OTUD7A: variants seen among roughly 807,000 people sequenced by gnomAD.
OTUD7A encodes the protein OTU domain-containing protein 7A.
In OTUD7A, 12 loss-of-function variants were observed where a neutral mutation model predicts 65.7. The ratio of observed to expected loss-of-function variants is 0.18; its 90% CI spans 0.12 to 0.30. The LOEUF (loss-of-function observed/expected upper bound fraction) is 0.30. OTUD7A is among the 10% of genes least tolerant of loss of function. The pLI, the probability that OTUD7A is intolerant of heterozygous loss-of-function variation, is 1.00. For synonymous variants in OTUD7A, 641 were observed against 586.3 expected, an observed-to-expected ratio of 1.09 and a Z score of -1.35; for missense variants, 1,148 against 1,304.8, an observed-to-expected ratio of 0.88 and a Z score of 1.85.
At chr15:31,685,490 A>C (rs1015560635) in intron 1 of OTUD7A, among the ~76,000 whole-genome samples, 4 of 151,906 alleles carry the variant, frequency 2.6e-5, no homozygotes, top group Non-Finnish European at 5.9e-5. Flanking sequence ...CTGAAAAAAA[A>C]AAAACAAAAA....
intron 1 of OTUD7A, among the ~76,000 whole-genome samples, chr15:31,817,789 T>G (rs1896587638): frequency 6.6e-6 from 1 of 152,228 alleles, no homozygotes; most frequent in Non-Finnish European, 1.5e-5. Context: ...CATACCAACC[T>G]GCTGCCCACC....
chr15:31,840,621 C>T (rs910967051), intron 1 of OTUD7A, among the ~76,000 whole-genome samples: 2 of 151,830 alleles, frequency 1.3e-5, no homozygotes, highest in African/African-American at 4.8e-5. Flanking sequence ...TCTTTTTTTC[C>T]CCCTTTAATA....
At chr15:31,500,083 C>T (rs1234009973) in intron 10 of OTUD7A, among the ~76,000 whole-genome samples, 5 of 152,220 alleles carry the variant, frequency 3.3e-5, no homozygotes, top group Non-Finnish European at 5.9e-5. Context: ...GGGACCATCA[C>T]CTTCTGACCA....
At chr15:31,761,736 A>G (rs1894969537) in intron 1 of OTUD7A, among the ~76,000 whole-genome samples, 2 of 152,240 alleles carry the variant, frequency 1.3e-5, no homozygotes, top group Admixed American at 6.5e-5. Flanking sequence ...TACTCATATT[A>G]GCCAAAAGTA....
At chr15:31,490,679 T>G (rs1194453544) in intron 10 of OTUD7A, among the ~76,000 whole-genome samples, 1 of 152,180 alleles carries the variant, frequency 6.6e-6, no homozygotes, top group Non-Finnish European at 1.5e-5. Context: ...AGTGAAATAA[T>G]ATGGAACCCT....
chr15:31,771,466 T>C (rs995617858), intron 1 of OTUD7A, among the ~76,000 whole-genome samples: 2 of 152,196 alleles, frequency 1.3e-5, no homozygotes, highest in Non-Finnish European at 2.9e-5. Context: ...CTTGGAATTG[T>C]CCTTGATTCC....
Position 31,553,206 on chromosome 15 carries a change from C to T in OTUD7A, c.550+5763G>A, listed in dbSNP as rs546979820. Among the ~76,000 whole-genome samples, 326 of 152,278 alleles carry T rather than the reference C, an allele frequency of 2.1e-3. 1 individual carries two copies. Among genetic ancestry groups the T allele is most frequent in the Non-Finnish European group, 3.7e-3 (250 of 68,008 alleles). ...CCTGGGCGTCAGGGTCACTATCCAC[C>T]GCTGGTTCGCCCTGATTCCCAGGCC... On this transcript the variant is annotated intron_variant, in intron 5 of 12. Transcript: ENST00000307050.
chr15:31,758,838 A>C (rs1894884357), intron 1 of OTUD7A, among the ~76,000 whole-genome samples: 1 of 147,684 alleles, frequency 6.8e-6, no homozygotes, highest in African/African-American at 2.7e-5. Context: ...TTTACCATAC[A>C]AAAAAAACTG....
intron 3 of OTUD7A, among the ~76,000 whole-genome samples, chr15:31,630,595 T>C (rs1891114235): frequency 6.6e-6 from 1 of 152,244 alleles, no homozygotes; most frequent in Non-Finnish European, 1.5e-5. Context: ...TGTAGATGTC[T>C]ATTAGGTCTG....
At chr15:31,735,458 G>A (rs1385444596) in intron 1 of OTUD7A, among the ~76,000 whole-genome samples, 1 of 151,704 alleles carries the variant, frequency 6.6e-6, no homozygotes, top group African/African-American at 2.4e-5. Context: ...AACCTGGGAG[G>A]CAGAGGTTGC....
intron 1 of OTUD7A, among the ~76,000 whole-genome samples, chr15:31,724,512 T>G (rs187244538): frequency 6.6e-6 from 1 of 152,336 alleles, no homozygotes; most frequent in African/African-American, 2.4e-5. Flanking sequence ...AATACCACAT[T>G]TATCATACAC....
At chr15:31,728,964 T>G (rs1041246607) in intron 1 of OTUD7A, among the ~76,000 whole-genome samples, 1 of 152,236 alleles carries the variant, frequency 6.6e-6, no homozygotes, top group Non-Finnish European at 1.5e-5. Flanking sequence ...TTATCTGTGG[T>G]TTTTCTTACC....
intron 5 of OTUD7A, among the ~76,000 whole-genome samples, chr15:31,540,573 A>T (rs1175843761): frequency 1.3e-5 from 2 of 152,214 alleles, no homozygotes; most frequent in Non-Finnish European, 2.9e-5. Flanking sequence ...AAAAATGGAG[A>T]TAATAATAGT....
chr15:31,840,338 T>G (rs1278935691), intron 1 of OTUD7A, among the ~76,000 whole-genome samples: 1 of 152,092 alleles, frequency 6.6e-6, no homozygotes. Context: ...CTCAGGAGGC[T>G]GAGGCACGAG....
intron 5 of OTUD7A, among the ~76,000 whole-genome samples, chr15:31,538,486 A>G (rs1293327918): frequency 6.6e-6 from 1 of 152,188 alleles, no homozygotes; most frequent in Non-Finnish European, 1.5e-5. Context: ...TTTACAGAGA[A>G]GGAAACTGAC....
intron 1 of OTUD7A, among the ~76,000 whole-genome samples, chr15:31,778,773 C>A (rs1266491729): frequency 1.3e-5 from 2 of 152,208 alleles, no homozygotes; most frequent in African/African-American, 4.8e-5. Flanking sequence ...CACATACACA[C>A]ACACACACCG....
intron 3 of OTUD7A, among the ~76,000 whole-genome samples, chr15:31,618,683 T>A (rs1890673854): frequency 6.6e-6 from 1 of 152,220 alleles, no homozygotes; most frequent in Non-Finnish European, 1.5e-5. Flanking sequence ...TAGCCCTTTG[T>A]CAGATAAGTA....
intron 3 of OTUD7A, among the ~76,000 whole-genome samples, chr15:31,616,283 T>C (rs968851880): frequency 6.6e-6 from 1 of 152,230 alleles, no homozygotes; most frequent in African/African-American, 2.4e-5. Flanking sequence ...TGTCGCATCC[T>C]TACTGGTTGA....
chr15:31,638,562 G>T (rs57022597), intron 3 of OTUD7A, among the ~76,000 whole-genome samples: 4,568 of 138,342 alleles, frequency 0.033, 224 homozygotes, highest in African/African-American at 0.11. Context: ...GTAGGTTTTT[G>T]TTTTTTTTTT....
Sources: gnomAD v4.1 joint callset for allele counts (sites outside exome capture counted in the v4.1 genomes callset) on GRCh38, gnomAD v4.1.1 for gene constraint, MANE v1.5 for transcripts, NCBI Gene and HGNC (gene_info 2026-07-23, HGNC 2026-07-21) for gene names.